Variants in DOCK8 observed in about 807,000 individuals in gnomAD.
DOCK8 encodes the protein dedicator of cytokinesis protein 8.
DOCK8 carries 141 observed loss-of-function variants against 245.6 expected under a neutral mutation model. The observed-to-expected ratio is 0.57, with a 90% CI of 0.50 to 0.66. The LOEUF (loss-of-function observed/expected upper bound fraction) is 0.66, where lower values mean the gene tolerates loss of function less well. DOCK8 is among the 30% of genes least tolerant of loss of function. The probability of loss-of-function intolerance (pLI) is 0.00; values close to 1 mark genes in which losing one functional copy is unlikely to be tolerated. For synonymous variants in DOCK8, 1,168 were observed against 970.2 expected (o/e 1.20, Z -3.79); for missense variants, 2,965 against 2,603.4 (o/e 1.14, Z -3.02).
At position 398,569 on chromosome 9, in the gene DOCK8, G is replaced by A. The variant is rs542737442; in HGVS notation, c.3121-577G>A. 5.3e-5 allele frequency among the ~76,000 whole-genome samples: 8 copies of A among 152,210 alleles called. No homozygotes were observed. In the East Asian group the frequency reaches 1.2e-3, roughly 22 times the overall value. Reference sequence around the variant, plus strand: ...CAAATTAAAAATTTTAAAAATAGGCGTAGCTTATTAATTGGGATTCATGGA... The same window carrying A: ...CAAATTAAAAATTTTAAAAATAGGCATAGCTTATTAATTGGGATTCATGGA... On this transcript the variant is annotated intron_variant, in intron 25 of 47. Coordinates refer to ENST00000432829, the MANE Select transcript of DOCK8 (RefSeq NM_203447.4).
intron 1 of DOCK8, among the ~76,000 whole-genome samples, chr9:268,899 T>C (rs1253503626): frequency 6.6e-6 from 1 of 152,238 alleles, no homozygotes; most frequent in Non-Finnish European, 1.5e-5. Context: ...TCTAATCTGC[T>C]GGTTTTTAAA....
At chr9:276,944 G>A in intron 2 of DOCK8, 1 of 311,390 alleles carries the variant, frequency 3.2e-6, no homozygotes, top group Admixed American at 3.6e-5. Context: ...AAGTAACTGG[G>A]ACCACAGGCG....
chr9:438,298 C>T (rs904078277), intron 39 of DOCK8, among the ~76,000 whole-genome samples: 1 of 152,166 alleles, frequency 6.6e-6, no homozygotes, highest in African/African-American at 2.4e-5. Context: ...AGACTATGTC[C>T]AAGCTCTGGG....
At position 459,411 on chromosome 9, in the gene DOCK8, C is replaced by A. The variant is rs187849583; in HGVS notation, c.6069-4106C>A. On this transcript the variant is annotated intron_variant, in intron 46 of 47. Coordinates refer to ENST00000432829, the MANE Select transcript of DOCK8 (RefSeq NM_203447.4). ...ATAAAATCTAAGTTTTTTACTCCAG[C>A]TATTAATATGTTTTTCTTTATAAAA... Among the ~76,000 whole-genome samples, 715 of 152,264 alleles carry A rather than the reference C, an allele frequency of 4.7e-3. 6 individuals are homozygous for A. Among genetic ancestry groups the A allele is most frequent in the African/African-American group, 0.015 (642 of 41,546 alleles).
Position 446,441 on chromosome 9 carries a change from T to A in DOCK8, c.5652T>A (p.Phe1884Leu), listed in dbSNP as rs2057263073. 1 of 1,614,062 alleles carries A rather than the reference T, an allele frequency of 6.2e-7. No homozygotes were observed. The highest frequency in any genetic ancestry group is 8.5e-7 in the Non-Finnish European group (1 of 1,180,034). The change falls in exon 44 of 48, where the codon TTT (phenylalanine) becomes TTA (leucine). Residue 1884 changes from phenylalanine to leucine, a missense_variant. Transcript: ENST00000432829. ...AGATGAAAGACAGGGTCACATACTT[T>A]GAGAAGAATTTCAACCTCCGGAGGT... ...EYEMKDRVTYFEKNFNLRRFM... is the reference protein window; with the variant it reads ...EYEMKDRVTYLEKNFNLRRFM...
At chr9:463,295 C>T (rs571604477) in intron 46 of DOCK8, among the ~76,000 whole-genome samples, 3 of 151,680 alleles carry the variant, frequency 2.0e-5, no homozygotes, top group East Asian at 3.9e-4. Flanking sequence ...AAAACAAACA[C>T]AGAGATTTCT....
intron 10 of DOCK8, among the ~76,000 whole-genome samples, chr9:333,600 C>CA (rs55727463): frequency 0.011 from 1,339 of 121,054 alleles, 19 homozygotes; most frequent in African/African-American, 0.025. Context: ...GACTCTGTCT[C>CA]AAAAAAAAAA....
Position 282,408 on chromosome 9 carries a change from GTTT to G in DOCK8, c.157-4051_157-4049del, listed in dbSNP as rs139263734. Among the ~76,000 whole-genome samples, 3 of 140,526 alleles carry G rather than the reference GTTT, an allele frequency of 2.1e-5. No homozygotes were observed. In the East Asian group the frequency reaches 6.1e-4, roughly 28 times the overall value. The allele number at this position is 140,526 out of a possible 152,430, so 92.2% of individuals were successfully genotyped here. On this transcript the variant is annotated intron_variant, in intron 2 of 47. Coordinates refer to ENST00000432829, the MANE Select transcript of DOCK8 (RefSeq NM_203447.4). Reference sequence around the variant, plus strand: ...ACATGACAAGTTTGCTTTTTGTTTCGTTTTGTTTTTTTTTTTTTTTTGGTTTTC... The same window carrying G: ...ACATGACAAGTTTGCTTTTTGTTTCGTGTTTTTTTTTTTTTTTTGGTTTTC...
intron 1 of DOCK8, among the ~76,000 whole-genome samples, chr9:241,660 A>G (rs913148301): frequency 1.3e-5 from 2 of 152,148 alleles, no homozygotes; most frequent in African/African-American, 4.8e-5. Flanking sequence ...TATCTTGGCT[A>G]TTGTGAAAAT....
rs145108498 is a variant in DOCK8 at position 250,717 on chromosome 9, T to C, written c.54-20910T>C. Among the ~76,000 whole-genome samples the C allele has an allele frequency of 2.4e-4, 37 of 152,328 alleles. 1 individual carries two copies. The East Asian group carries it at 5.2e-3, about 21-fold the overall frequency. On this transcript the variant is annotated intron_variant, in intron 1 of 47. Coordinates refer to ENST00000432829, the MANE Select transcript of DOCK8 (RefSeq NM_203447.4). ...TGATCAAATAGTAGAGTTGATAGTATGTGTATAATCCCAGGGAGGAGTTTC... is the reference window on the plus strand; with the variant it reads ...TGATCAAATAGTAGAGTTGATAGTACGTGTATAATCCCAGGGAGGAGTTTC...
At chr9:393,923 A>G (rs1031329902) in intron 24 of DOCK8, among the ~76,000 whole-genome samples, 3 of 152,202 alleles carry the variant, frequency 2.0e-5, no homozygotes, top group Non-Finnish European at 2.9e-5. Flanking sequence ...CCCAGGGTAC[A>G]GCAGCTGGCA....
chr9:342,121 A>C lies in DOCK8; in HGVS notation c.1679+1800A>C, dbSNP rs1214458202. Among the ~76,000 whole-genome samples, 3 of 152,002 alleles carry C rather than the reference A, an allele frequency of 2.0e-5. No homozygotes were observed. The East Asian group carries it at 5.8e-4, about 29-fold the overall frequency. On this transcript the variant is annotated intron_variant, in intron 14 of 47. Coordinates refer to ENST00000432829, the MANE Select transcript of DOCK8 (RefSeq NM_203447.4). Reference sequence around the variant, plus strand: ...TAGAAATAAAGTGCACGATAAATGGAATGTGCTTGAGTCATCCCAAAACCA... The same window carrying C: ...TAGAAATAAAGTGCACGATAAATGGCATGTGCTTGAGTCATCCCAAAACCA...
intron 6 of DOCK8, 88 bp downstream of exon 6, chr9:312,254 G>C: frequency 3.4e-6 from 5 of 1,465,744 alleles, no homozygotes; most frequent in Non-Finnish European, 4.7e-6. Context: ...TTACTATATA[G>C]CAGCCCATGG....
chr9:448,773 G>A (rs2057341502), intron 44 of DOCK8, among the ~76,000 whole-genome samples: 1 of 152,198 alleles, frequency 6.6e-6, no homozygotes, highest in Admixed American at 6.5e-5. Context: ...GATTGCCTCT[G>A]TAAAGACCCT....
chr9:219,777 G>C (rs1156256099), intron 1 of DOCK8, among the ~76,000 whole-genome samples: 1 of 152,050 alleles, frequency 6.6e-6, no homozygotes, highest in Non-Finnish European at 1.5e-5. Context: ...TGCACCTGTA[G>C]TCCCAGCTAC....
chr9:313,542 A>G (rs2050215172), intron 6 of DOCK8, among the ~76,000 whole-genome samples: 1 of 152,192 alleles, frequency 6.6e-6, no homozygotes, highest in African/African-American at 2.4e-5. Context: ...TATCTCACTT[A>G]TATATAGAAT....
chr9:267,947 T>G (rs923087448), intron 1 of DOCK8: 1 of 152,160 alleles, frequency 6.6e-6, no homozygotes, highest in African/African-American at 2.4e-5. Flanking sequence ...GATAAAAGAG[T>G]AACAGCAGTT....
At chr9:367,917 G>T (rs2053087817) in intron 14 of DOCK8, 101 bp from the exon 15 acceptor site, 17 of 997,104 alleles carry the variant, frequency 1.7e-5, no homozygotes, top group Non-Finnish European at 2.7e-5. Flanking sequence ...AACTTCTTTG[G>T]AAAAAGCACC....
chr9:375,866 G>A (rs919532052), intron 18 of DOCK8, among the ~76,000 whole-genome samples: 1 of 152,122 alleles, frequency 6.6e-6, no homozygotes, highest in African/African-American at 2.4e-5. Context: ...GTGTGGTGGT[G>A]TGTGCCTGTA....
Sources: allele counts gnomAD v4.1 joint callset (sites outside exome capture counted in the v4.1 genomes callset), GRCh38; gene constraint gnomAD v4.1.1; transcripts MANE v1.5; gene names NCBI Gene and HGNC (gene_info 2026-07-23, HGNC 2026-07-21).